The following PHACTR1 variants were observed in gnomAD, a reference collection of about 807,000 sequenced individuals.
PHACTR1 encodes the protein phosphatase and actin regulator 1.
PHACTR1 carries 16 observed loss-of-function variants against 69.2 expected under a neutral mutation model. The ratio of observed to expected loss-of-function variants is 0.23; its 90% CI spans 0.16 to 0.35. PHACTR1 has a LOEUF of 0.35. Among genes scored for constraint, PHACTR1 ranks in the 10% least tolerant of loss-of-function variants. The pLI is 1.00. For synonymous variants in PHACTR1, 312 were observed against 284.5 expected (o/e 1.10, Z -0.97); for missense variants, 510 against 734.7 (o/e 0.69, Z 3.54).
At position 12,886,968 on chromosome 6, in the gene PHACTR1, A is replaced by G. The variant is rs147825482; in HGVS notation, c.250+137178A>G. 4.3e-4 allele frequency among the ~76,000 whole-genome samples: 65 copies of G among 152,302 alleles called. No homozygotes were observed. The East Asian group carries it at 0.01, about 24-fold the overall frequency. On this transcript the variant is annotated intron_variant, in intron 4 of 14. Transcript: ENST00000332995. ...CCAACAGAAGGTGGTGGTCGGTTTC[A>G]GAGCAGCAGCGTGCAGCTCCAATGT...
chr6:12,988,318 CAA>C (rs1169952721), intron 4 of PHACTR1, among the ~76,000 whole-genome samples: 1 of 152,200 alleles, frequency 6.6e-6, no homozygotes, highest in Non-Finnish European at 1.5e-5. Flanking sequence ...GAAATCATCT[CAA>C]AGTGTTATGT....
At chr6:13,067,620 ACT>A (rs1186813190) in intron 5 of PHACTR1, among the ~76,000 whole-genome samples, 3 of 152,176 alleles carry the variant, frequency 2.0e-5, no homozygotes, top group African/African-American at 7.2e-5. Context: ...TGGAGGATGC[ACT>A]CTATTTGTTG....
At chr6:12,983,271 G>A (rs967535092) in intron 4 of PHACTR1, among the ~76,000 whole-genome samples, 2 of 152,190 alleles carry the variant, frequency 1.3e-5, no homozygotes, top group Non-Finnish European at 2.9e-5. Flanking sequence ...TTAATACAGG[G>A]AAGAGTGAAG....
At chr6:13,116,002 A>G (rs1013497697) in intron 5 of PHACTR1, among the ~76,000 whole-genome samples, 2 of 152,196 alleles carry the variant, frequency 1.3e-5, no homozygotes, top group Admixed American at 6.5e-5. Context: ...TATGTGACCA[A>G]GTGGCCCTGG....
intron 4 of PHACTR1, among the ~76,000 whole-genome samples, chr6:13,012,765 G>A (rs1188071759): frequency 1.3e-5 from 2 of 152,216 alleles, no homozygotes; most frequent in African/African-American, 4.8e-5. Flanking sequence ...TATCGGACTG[G>A]CGATATCTGA....
In PHACTR1 at chr6:12,898,718, T is replaced by A. The variant is rs148907259; in HGVS notation, c.250+148928T>A. Reference sequence around the variant, plus strand: ...CGTGCTGCAGGCAGAACACTCTTTCTCTCTCTGTCGGCCGCAATCTGTCCT... The same window carrying A: ...CGTGCTGCAGGCAGAACACTCTTTCACTCTCTGTCGGCCGCAATCTGTCCT... On this transcript the variant is annotated intron_variant, in intron 4 of 14. Coordinates refer to ENST00000332995, the MANE Select transcript of PHACTR1 (RefSeq NM_030948.6). 2.9e-3 allele frequency among the ~76,000 whole-genome samples: 443 copies of A among 152,284 alleles called. 3 individuals are homozygous for A. Among genetic ancestry groups the A allele is most frequent in the Non-Finnish European group, 4.7e-3 (322 of 68,012 alleles).
At chr6:12,719,437 T>C (rs1238609926) in intron 3 of PHACTR1, among the ~76,000 whole-genome samples, 1 of 152,180 alleles carries the variant, frequency 6.6e-6, no homozygotes, top group Non-Finnish European at 1.5e-5. Context: ...TCTGTTGGGG[T>C]ATTTAGAATG....
chr6:13,101,680 T>C (rs549405087), intron 5 of PHACTR1, among the ~76,000 whole-genome samples: 1 of 152,298 alleles, frequency 6.6e-6, no homozygotes, highest in South Asian at 2.1e-4. Context: ...GGACAGTATT[T>C]CACCATTGGT....
chr6:12,973,916 A>ATTT (rs33948457), intron 4 of PHACTR1, among the ~76,000 whole-genome samples: 1,454 of 92,836 alleles, frequency 0.016, 35 homozygotes, highest in South Asian at 0.018. Flanking sequence ...AGAGGCTGGG[A>ATTT]TTTTTTTTTT....
chr6:12,901,344 C>T (rs1270012342), intron 4 of PHACTR1, among the ~76,000 whole-genome samples: 1 of 152,086 alleles, frequency 6.6e-6, no homozygotes, highest in Non-Finnish European at 1.5e-5. Flanking sequence ...ACAAGAGGCT[C>T]CTCTTGTAAT....
intron 4 of PHACTR1, among the ~76,000 whole-genome samples, chr6:12,868,559 G>A (rs2127436425): frequency 6.9e-6 from 1 of 144,216 alleles, no homozygotes; most frequent in East Asian, 2.1e-4. Flanking sequence ...AATAGCACTT[G>A]GGGAAGAAGA....
At chr6:13,257,153 G>C (rs1480016548) in intron 10 of PHACTR1, among the ~76,000 whole-genome samples, 1 of 152,226 alleles carries the variant, frequency 6.6e-6, no homozygotes, top group Non-Finnish European at 1.5e-5. Flanking sequence ...CAAAGGGGGA[G>C]TGAGGCATCT....
chr6:13,061,649 A>C (rs546444526), intron 5 of PHACTR1, among the ~76,000 whole-genome samples: 4 of 152,296 alleles, frequency 2.6e-5, no homozygotes, highest in African/African-American at 9.6e-5. Context: ...AAACACGGTA[A>C]ATGATCCTAC....
At chr6:12,729,463 T>C (rs1256108508) in intron 3 of PHACTR1, among the ~76,000 whole-genome samples, 2 of 152,140 alleles carry the variant, frequency 1.3e-5, no homozygotes, top group Non-Finnish European at 2.9e-5. Context: ...TGACAAGGCA[T>C]GAACAGGCAT....
chr6:12,863,151 T>A (rs1445876849), intron 4 of PHACTR1, among the ~76,000 whole-genome samples: 6 of 152,258 alleles, frequency 3.9e-5, no homozygotes, highest in Non-Finnish European at 7.3e-5. Flanking sequence ...GTTGGAGTCT[T>A]TACTGTATAG....
chr6:13,238,112 A>T (rs1258415836), intron 10 of PHACTR1, among the ~76,000 whole-genome samples: 1 of 152,206 alleles, frequency 6.6e-6, no homozygotes, highest in East Asian at 1.9e-4. Context: ...CTCCTGAAGA[A>T]CACATTAATT....
intron 3 of PHACTR1, among the ~76,000 whole-genome samples, chr6:12,734,315 T>G (rs1257453507): frequency 6.6e-6 from 1 of 152,202 alleles, no homozygotes; most frequent in East Asian, 1.9e-4. Flanking sequence ...GTTTAATTTC[T>G]CAGCCACAGT....
At chr6:13,286,308 T>C (rs1781688747) in intron 14 of PHACTR1, 86 bp downstream of exon 14, 3 of 1,147,152 alleles carry the variant, frequency 2.6e-6, no homozygotes, top group Non-Finnish European at 3.7e-6. Flanking sequence ...TTGTGGGACA[T>C]GAGTGGGTTG....
intron 4 of PHACTR1, among the ~76,000 whole-genome samples, chr6:12,860,007 T>TC (rs1489099848): frequency 2.7e-4 from 17 of 63,332 alleles, no homozygotes; most frequent in East Asian, 2.3e-3. Flanking sequence ...TCATCATCAT[T>TC]ATTATTATTA....
Sources: allele counts gnomAD v4.1 joint callset (sites outside exome capture counted in the v4.1 genomes callset), GRCh38; gene constraint gnomAD v4.1.1; transcripts MANE v1.5; gene names NCBI Gene and HGNC (gene_info 2026-07-23, HGNC 2026-07-21).